Variants in TNFAIP2 observed in about 807,000 individuals in gnomAD.
The protein encoded by TNFAIP2 is TNF alpha induced protein 2, also known as tumor necrosis factor alpha-induced protein 2.
Under a neutral mutation model 63.5 loss-of-function variants are expected in TNFAIP2, and 47 were observed. That is an observed-to-expected ratio of 0.74 (90% CI 0.59 to 0.94). The LOEUF (loss-of-function observed/expected upper bound fraction) is 0.94, where lower values mean the gene tolerates loss of function less well. TNFAIP2 is among the 40% of genes least tolerant of loss of function. The pLI is 0.00. For missense variants in TNFAIP2, 787 were observed against 850.2 expected (o/e 0.93, Z 0.92); for synonymous variants, 405 against 390.2 (o/e 1.04, Z -0.45).
chr14:103,132,698 G>A, intron 8 of TNFAIP2, 52 bp from the exon 9 acceptor site: 1 of 1,588,988 alleles, frequency 6.3e-7, no homozygotes, highest in Non-Finnish European at 8.6e-7. Flanking sequence ...TCTGCGGCTG[G>A]CAGCCCTTCC....
intron 9 of TNFAIP2, among the ~76,000 whole-genome samples, 191 bp from the exon 10 acceptor site, chr14:103,133,171 T>C (rs530152490): frequency 1.1e-3 from 158 of 145,602 alleles, no homozygotes; most frequent in Non-Finnish European, 1.8e-3. Flanking sequence ...CGTGAACGCA[T>C]GCACATGTGA....
At position 103,133,009 on chromosome 14, in the gene TNFAIP2, T is replaced by G. The variant is rs111407546; in HGVS notation, c.1545+137T>G. On this transcript the variant is annotated intron_variant, in intron 9 of 11. Coordinates refer to ENST00000560869, the MANE Select transcript of TNFAIP2 (RefSeq NM_006291.4). The stretch of plus-strand genomic sequence containing the variant: ...GAACACACGTGAATGCACGAGCATG[T>G]GAACACGTGCACATGTGAACACACG... 4.2e-4 allele frequency: 577 copies of G among 1,384,174 alleles called. 1 individual carries two copies. In the East Asian group the frequency reaches 8.8e-3, roughly 21 times the overall value. The allele number at this position is 1,384,174 out of a possible 1,614,324, so 85.7% of individuals were successfully genotyped here. A position where few individuals can be genotyped will look rare whatever the true frequency, so the allele number is the denominator to read the frequency against.
chr14:103,128,991 G>A (rs2087915984), intron 3 of TNFAIP2, among the ~76,000 whole-genome samples: 1 of 152,242 alleles, frequency 6.6e-6, no homozygotes, highest in Non-Finnish European at 1.5e-5. Flanking sequence ...CATCTGGATT[G>A]GGTGAGGGGC....
In TNFAIP2 at chr14:103,127,733, C is replaced by T. The variant is rs188477719; in HGVS notation, c.860+104C>T. 3.8e-6 allele frequency: 5 copies of T among 1,319,982 alleles called. No homozygotes were observed. The highest frequency in any genetic ancestry group is 4.0e-6 in the Non-Finnish European group (4 of 1,010,076). The allele number at this position is 1,319,982 out of a possible 1,614,324, so 81.8% of individuals were successfully genotyped here. On this transcript the variant is annotated intron_variant, in intron 3 of 11. Transcript: ENST00000560869. The surrounding 1 kb of genome is among the most constrained non-coding windows in gnomAD (Gnocchi z 5.1). ...TGCCGCCGGCAGCTTTTAGTGAGGT[C>T]GGTGTTTGCAGAGTTTTGGGTCCGA...
In TNFAIP2 at chr14:103,131,185, GTCAC is replaced by G; in HGVS notation, c.1298+39_1298+42del. Reference sequence around the variant, plus strand: ...TTGGGAGGGGCTTGCGGGAGTGGGAGTCACTCAGCGGGCAGGAGAGGGGAGCTGG... The same window carrying G: ...TTGGGAGGGGCTTGCGGGAGTGGGAGTCAGCGGGCAGGAGAGGGGAGCTGG... On this transcript the variant is annotated intron_variant, in intron 7 of 11. Transcript: ENST00000560869. The surrounding 1 kb of genome is among the most constrained non-coding windows in gnomAD (Gnocchi z 4.0). 6.2e-7 allele frequency: 1 copy of G among 1,607,310 alleles called. No individual in the cohort carries two copies. The highest frequency in any genetic ancestry group is 8.5e-7 in the Non-Finnish European group (1 of 1,174,110).
Position 103,126,485 on chromosome 14 carries a change from G to A in TNFAIP2, c.28G>A (p.Val10Met), listed in dbSNP as rs771472478. The change falls in exon 2 of 12, where the codon GTG (valine) becomes ATG (methionine). Residue 10 changes from valine to methionine, a missense_variant. Physicochemically the swap from Val to Met is conservative, Grantham distance 21 (BLOSUM62 1). Coordinates refer to ENST00000560869, the MANE Select transcript of TNFAIP2 (RefSeq NM_006291.4). MSEASSEDL[V>M]PPLEAGAAPY... ...GTCGGAGGCCTCCTCTGAGGACCTG[G>A]TGCCACCCCTGGAGGCTGGGGCAGC... 3.8e-6 allele frequency: 6 copies of A among 1,597,854 alleles called. No individual in the cohort carries two copies. The highest frequency in any genetic ancestry group is 5.1e-6 in the Non-Finnish European group (6 of 1,172,830).
chr14:103,122,550 C>A (rs1891150678), upstream of TNFAIP2: 3 of 418,418 alleles, frequency 7.2e-6, no homozygotes, highest in South Asian at 4.9e-5. Flanking sequence ...AGTGGGTTCC[C>A]TTCACAGCCC....
Position 103,131,881 on chromosome 14 carries a change from C to T in TNFAIP2, c.1422+119C>T. Reference sequence around the variant, plus strand: ...GATGTGGGGAAGACACGCTCCAGGCCTGTGGACGGCACCGTGGGCCAGCTC... The same window carrying T: ...GATGTGGGGAAGACACGCTCCAGGCTTGTGGACGGCACCGTGGGCCAGCTC... On this transcript the variant is annotated intron_variant, in intron 8 of 11. Transcript: ENST00000560869. The surrounding 1 kb of genome is among the most constrained non-coding windows in gnomAD (Gnocchi z 4.0). 1.4e-6 allele frequency: 2 copies of T among 1,395,700 alleles called. No individual in the cohort carries two copies. The highest frequency in any genetic ancestry group is 1.9e-6 in the Non-Finnish European group (2 of 1,048,748). 86.5% of individuals were successfully genotyped at this position (1,395,700 alleles called of 1,614,324 possible).
In TNFAIP2 at chr14:103,133,817, G is replaced by GCAC. The variant is rs1566966051; in HGVS notation, c.1823+16_1823+18dup. The GCAC allele has an allele frequency of 3.8e-6, 6 of 1,577,696 alleles. No individual in the cohort carries two copies. The highest frequency in any genetic ancestry group is 1.4e-5 in the African/African-American group (1 of 73,444). On this transcript the variant is annotated intron_variant, in intron 11 of 11. Coordinates refer to ENST00000560869, the MANE Select transcript of TNFAIP2 (RefSeq NM_006291.4). ...CCCTGACTTCAGGTGAGAACCTGGG[G>GCAC]CACCTCAGGACCACTGTCACATCAC...
chr14:103,127,328 C>T lies in TNFAIP2; in HGVS notation c.559C>T (p.Leu187=). ...GLAATRPRRW[L]QLWRRGVAEA... ...GGCGGCCACGCGCCCGCGGCGCTGG[C>T]TGCAGCTGTGGCGGCGCGGCGTGGC... Residue 187 remains leucine, a synonymous_variant, in exon 3 of 12, where the codon CTG becomes TTG. Transcript: ENST00000560869. The surrounding 1 kb of genome is among the most constrained non-coding windows in gnomAD (Gnocchi z 5.1). 2 of 1,083,324 alleles carry T rather than the reference C, an allele frequency of 1.8e-6. No individual in the cohort carries two copies. Among genetic ancestry groups the T allele is most frequent in the Non-Finnish European group, 2.2e-6 (2 of 891,130 alleles). The allele number at this position is 1,083,324 out of a possible 1,614,324, so 67.1% of individuals were successfully genotyped here.
At position 103,129,760 on chromosome 14, in the gene TNFAIP2, A is replaced by T; in HGVS notation, c.881A>T (p.Lys294Met). 1.2e-6 allele frequency: 2 copies of T among 1,614,006 alleles called. No homozygotes were observed. The highest frequency in any genetic ancestry group is 1.7e-6 in the Non-Finnish European group (2 of 1,179,946). Reference protein sequence around the residue: ...LYPNDIINSPKLVGELQGMGL... With the variant: ...LYPNDIINSPMLVGELQGMGL... ...TGCAGTGACATCATCAACAGCCCCA[A>T]GCTGGTGGGTGAGCTGCAGGGTATG... Residue 294 changes from lysine (K) to methionine (M), a missense_variant, in exon 4 of 12, where the codon AAG (lysine) becomes ATG (methionine). Lys to Met is a moderately conservative substitution (Grantham distance 95). Coordinates refer to ENST00000560869, the MANE Select transcript of TNFAIP2 (RefSeq NM_006291.4).
At position 103,133,451 on chromosome 14, in the gene TNFAIP2, G is replaced by A. The variant is rs766743994; in HGVS notation, c.1635G>A (p.Gln545=). ...GCCTGGTCCTCAAGACGGCCGAGCAGCAGCAGCAGCTGGCTGGGTACATCC... is the reference window on the plus strand; with the variant it reads ...GCCTGGTCCTCAAGACGGCCGAGCAACAGCAGCAGCTGGCTGGGTACATCC... The part of the protein sequence containing the change: ...KGRLVLKTAE[Q]QQQLAGYILA... Residue 545 remains glutamine (Q), a synonymous_variant, in exon 10 of 12, where the codon CAG becomes CAA. Transcript: ENST00000560869. 1.9e-6 allele frequency: 3 copies of A among 1,614,000 alleles called. No individual in the cohort carries two copies. In the South Asian group the frequency reaches 3.3e-5, roughly 18 times the overall value.
In TNFAIP2 at chr14:103,127,685, G is replaced by T; in HGVS notation, c.860+56G>T. 7.1e-7 allele frequency: 1 copy of T among 1,398,958 alleles called. No individual in the cohort carries two copies. The highest frequency in any genetic ancestry group is 1.6e-5 in the South Asian group (1 of 63,282). 86.7% of individuals were successfully genotyped at this position (1,398,958 alleles called of 1,614,324 possible). A position where few individuals can be genotyped will look rare whatever the true frequency, so the allele number is the denominator to read the frequency against. On this transcript the variant is annotated intron_variant, in intron 3 of 11. Transcript: ENST00000560869. This position sits in a 1 kb window ranked among gnomAD's most constrained non-coding sequence, Gnocchi z 5.1. ...GCAGGGAGGGTGTCCTCTGTAGGAG[G>T]GGTGTCGAGGGGTGTCGAGGTGTGC...
chr14:103,127,206 C>A lies in TNFAIP2; in HGVS notation c.437C>A (p.Ala146Glu). The change falls in exon 3 of 12, where the codon GCG becomes GAG. Residue 146 changes from alanine (A) to glutamate (E), a missense_variant. Coordinates refer to ENST00000560869, the MANE Select transcript of TNFAIP2 (RefSeq NM_006291.4). This position sits in a 1 kb window ranked among gnomAD's most constrained non-coding sequence, Gnocchi z 5.1. ...GGCGTGCTGCGGCGGCCGCTGGAGG[C>A]GCCGCCCGAGCGGCTGCGCCAGGCG... ...VLGVLRRPLEAPPERLRQALA... is the reference protein window; with the variant it reads ...VLGVLRRPLEEPPERLRQALA... The A allele has an allele frequency of 1.8e-6, 2 of 1,114,688 alleles. No individual in the cohort carries two copies. Among genetic ancestry groups the A allele is most frequent in the South Asian group, 4.8e-5 (2 of 41,984 alleles). The allele number at this position is 1,114,688 out of a possible 1,614,324, so 69.0% of individuals were successfully genotyped here. A position where few individuals can be genotyped will look rare whatever the true frequency, so the allele number is the denominator to read the frequency against.
In TNFAIP2 at chr14:103,131,291, T is replaced by C; in HGVS notation, c.1298+141T>C. On this transcript the variant is annotated intron_variant, in intron 7 of 11. Transcript: ENST00000560869. The surrounding 1 kb of genome is among the most constrained non-coding windows in gnomAD (Gnocchi z 4.0). ...CAACATGTGTGAGGACTCCACGGCC[T>C]GCAGCAGCAGCAGCAAACATTTCCC... The C allele has an allele frequency of 1.1e-6, 1 of 886,262 alleles. No individual in the cohort carries two copies. Among genetic ancestry groups the C allele is most frequent in the South Asian group, 1.6e-5 (1 of 64,424 alleles). The allele number at this position is 886,262 out of a possible 1,614,324, so 54.9% of individuals were successfully genotyped here.
chr14:103,127,683 A>T lies in TNFAIP2; in HGVS notation c.860+54A>T. 1 of 1,394,566 alleles carries T rather than the reference A, an allele frequency of 7.2e-7. No homozygotes were observed. Among genetic ancestry groups the T allele is most frequent in the Non-Finnish European group, 9.3e-7 (1 of 1,071,108 alleles). The allele number at this position is 1,394,566 out of a possible 1,614,324, so 86.4% of individuals were successfully genotyped here. A position where few individuals can be genotyped will look rare whatever the true frequency, so the allele number is the denominator to read the frequency against. On this transcript the variant is annotated intron_variant, in intron 3 of 11. Coordinates refer to ENST00000560869, the MANE Select transcript of TNFAIP2 (RefSeq NM_006291.4). This position sits in a 1 kb window ranked among gnomAD's most constrained non-coding sequence, Gnocchi z 5.1. ...CGGCAGGGAGGGTGTCCTCTGTAGG[A>T]GGGGTGTCGAGGGGTGTCGAGGTGT...
chr14:103,132,108 G>T, intron 8 of TNFAIP2, among the ~76,000 whole-genome samples: 2 of 150,696 alleles, frequency 1.3e-5, no homozygotes. Context: ...TTCAGACACA[G>T]CCCAGTCCCA....
chr14:103,131,839 G>A lies in TNFAIP2; in HGVS notation c.1422+77G>A, dbSNP rs1406538709. The A allele has an allele frequency of 6.5e-7, 1 of 1,537,246 alleles. No homozygotes were observed. The highest frequency in any genetic ancestry group is 1.4e-5 in the African/African-American group (1 of 73,168). ...AGGGACTGGGAGGTGCCCCCAGGGA[G>A]GAGTGGCAGAAGCAAAGATGTGGGG... On this transcript the variant is annotated intron_variant, in intron 8 of 11. Transcript: ENST00000560869. The surrounding 1 kb of genome is among the most constrained non-coding windows in gnomAD (Gnocchi z 4.0).
upstream of TNFAIP2, chr14:103,122,691 C>T (rs139806039): frequency 2.0e-3 from 905 of 456,040 alleles, 11 homozygotes; most frequent in African/African-American, 0.016. Flanking sequence ...ATGATCCAGA[C>T]GAGGCCCTGG....
Sources: gnomAD v4.1 joint callset for allele counts (sites outside exome capture counted in the v4.1 genomes callset) on GRCh38, gnomAD v4.1.1 for gene constraint, Gnocchi (gnomAD v3.1) non-coding constraint, MANE v1.5 for transcripts, NCBI Gene and HGNC (gene_info 2026-07-23, HGNC 2026-07-21) for gene names.